The following PRB4 variants were observed in gnomAD, a reference collection of about 807,000 sequenced individuals.
The protein encoded by PRB4 is basic salivary proline-rich protein 4.
Under a neutral mutation model 9.1 loss-of-function variants are expected in PRB4, and 14 were observed. The observed-to-expected ratio is 1.54, with a 90% CI of 1.02 to 2.41. The LOEUF (loss-of-function observed/expected upper bound fraction) is 2.41, where lower values mean the gene tolerates loss of function less well. PRB4 is among the 30% of genes most tolerant of loss of function. The pLI, the probability that PRB4 is intolerant of heterozygous loss-of-function variation, is 0.00. For synonymous variants in PRB4, 102 were observed against 108.5 expected (o/e 0.94, Z 0.37); for missense variants, 381 against 299.3 (o/e 1.27, Z -2.02).
chr12:11,308,940 T>C (rs1292115514), intron 2 of PRB4, 58 bp from the exon 3 acceptor site: 1 of 1,598,340 alleles, frequency 6.3e-7, no homozygotes, highest in Non-Finnish European at 8.6e-7. Flanking sequence ...ATTTTTACAG[T>C]AATGGAGCTA....
At chr12:11,307,676 C>A in intron 3 of PRB4, among the ~76,000 whole-genome samples, 1 of 152,070 alleles carries the variant, frequency 6.6e-6, no homozygotes, top group South Asian at 2.1e-4. Flanking sequence ...ACAGTGGGAG[C>A]TTTTTGAAGG....
chr12:11,310,374 C>T lies in PRB4; in HGVS notation c.25G>A (p.Ala9Thr), dbSNP rs778597261. ...TCAGCTGAGCTCAGGGCCAGCAGGG[C>T]CACTGACAGCAGAATCAGCAGCATC... MLLILLSV[A>T]LLALSSAESS... The change falls in exon 1 of 4, where the codon GCC (alanine) becomes ACC (threonine). Residue 9 changes from alanine to threonine, a missense_variant. Ala to Thr is a moderately conservative substitution (Grantham distance 58). Coordinates refer to ENST00000279575, the MANE Select transcript of PRB4 (RefSeq NM_002723.6). The T allele has an allele frequency of 7.0e-5, 113 of 1,614,098 alleles. No homozygotes were observed. In the Admixed American group the frequency reaches 1.9e-3, roughly 27 times the overall value.
chr12:11,307,951 C>A (rs1283211570), intron 3 of PRB4, among the ~76,000 whole-genome samples: 5 of 152,232 alleles, frequency 3.3e-5, no homozygotes, highest in South Asian at 4.1e-4. Context: ...GAAAACAGAA[C>A]GCCAAGAATG....
intron 1 of PRB4, among the ~76,000 whole-genome samples, 153 bp from the exon 2 acceptor site, chr12:11,309,558 G>C (rs1389024217): frequency 6.6e-6 from 1 of 152,172 alleles, no homozygotes; most frequent in African/African-American, 2.4e-5. Flanking sequence ...GGAAGGGGTG[G>C]AAGGTGTAAG....
rs1343142389 is a variant in PRB4 at position 11,310,321 on chromosome 12, C to T, written c.64+14G>A. The T allele has an allele frequency of 6.2e-7, 1 of 1,614,202 alleles. No individual in the cohort carries two copies. ...CCCAAGCAGTCACCGCATCTTTTCC[C>T]CCTTCTGTTTTACCTTCACTTGAAC... On this transcript the variant is annotated intron_variant, in intron 1 of 3. Transcript: ENST00000279575.
chr12:11,308,496 C>T lies in PRB4; in HGVS notation c.487G>A (p.Glu163Lys), dbSNP rs1170019927. 1 of 1,610,924 alleles carries T rather than the reference C, an allele frequency of 6.2e-7. No individual in the cohort carries two copies. Among genetic ancestry groups the T allele is most frequent in the African/African-American group, 1.3e-5 (1 of 74,130 alleles). Reference protein sequence around the residue: ...QGPPPHPGKPEGPPPQEGNKS... With the variant: ...QGPPPHPGKPKGPPPQEGNKS... ...TTTCCTTCCTGTGGGGGTGGTCCTT[C>T]TGGCTTTCCTGGATGAGGTGGGGGA... is the stretch of plus-strand genomic sequence containing the variant. The change falls in exon 3 of 4, where the codon GAA becomes AAA. Residue 163 changes from glutamate to lysine, a missense_variant. Physicochemically the swap from Glu to Lys is moderately conservative, Grantham distance 56. Coordinates refer to ENST00000279575, the MANE Select transcript of PRB4 (RefSeq NM_002723.6).
Position 11,310,301 on chromosome 12 carries a change from G to A in PRB4, c.64+34C>T, listed in dbSNP as rs1215346740. On this transcript the variant is annotated intron_variant, in intron 1 of 3. Transcript: ENST00000279575. ...ACCACTGTCACCTCCTAAGTCCCAA[G>A]CAGTCACCGCATCTTTTCCCCCTTC... 5 of 1,612,768 alleles carry A rather than the reference G, an allele frequency of 3.1e-6. No homozygotes were observed. In the African/African-American group the frequency reaches 4.0e-5, roughly 13 times the overall value.
At chr12:11,310,018 G>A (rs969963696) in intron 1 of PRB4, among the ~76,000 whole-genome samples, 2 of 152,182 alleles carry the variant, frequency 1.3e-5, no homozygotes, top group African/African-American at 4.8e-5. Flanking sequence ...ACTGGGATCA[G>A]TATAGGATCT....
Position 11,310,327 on chromosome 12 carries a change from T to A in PRB4, c.64+8A>T. 1 of 1,614,200 alleles carries A rather than the reference T, an allele frequency of 6.2e-7. No individual in the cohort carries two copies. The highest frequency in any genetic ancestry group is 2.2e-5 in the East Asian group (1 of 44,886). ...CAGTCACCGCATCTTTTCCCCCTTC[T>A]GTTTTACCTTCACTTGAACTCTCAG... On this transcript the variant is annotated splice_region_variant and intron_variant, in intron 1 of 3. Coordinates refer to ENST00000279575, the MANE Select transcript of PRB4 (RefSeq NM_002723.6).
chr12:11,310,415 G>T lies in PRB4; in HGVS notation c.-17C>A. The T allele has an allele frequency of 6.2e-7, 1 of 1,614,214 alleles. No homozygotes were observed. Among genetic ancestry groups the T allele is most frequent in the Non-Finnish European group, 8.5e-7 (1 of 1,180,030 alleles). On this transcript the variant is annotated 5_prime_UTR_variant, in exon 1 of 4. Coordinates refer to ENST00000279575, the MANE Select transcript of PRB4 (RefSeq NM_002723.6). ...CAGCAGCATCTCGCTGGAGGCTCTG[G>T]AGTCACTCCCAACTCTGTGCTGGGA...
intron 1 of PRB4, 64 bp downstream of exon 1, chr12:11,310,271 T>G (rs369648474): frequency 5.1e-4 from 818 of 1,594,898 alleles, no homozygotes; most frequent in Non-Finnish European, 6.7e-4. Flanking sequence ...CTCTTCCCCA[T>G]AATTACCACT....
At position 11,309,381 on chromosome 12, in the gene PRB4, AAG is replaced by A. The variant is rs1863001596; in HGVS notation, c.87_88del (p.Phe30ProfsTer120). On this transcript the variant is annotated frameshift_variant, in exon 2 of 4. Transcript: ENST00000279575. LOFTEE classifies it high-confidence loss of function. The stretch of plus-strand genomic sequence containing the variant: ...GAATTGGGATTTACCTGATATTAGG[AAG>A]AGAGATTCTTCCTGGCTGACATCTA... 6.2e-7 allele frequency: 1 copy of A among 1,614,138 alleles called. No individual in the cohort carries two copies. Among genetic ancestry groups the A allele is most frequent in the Non-Finnish European group, 8.5e-7 (1 of 1,179,990 alleles).
At chr12:11,308,986 A>G (rs999537878) in intron 2 of PRB4, 104 bp from the exon 3 acceptor site, 248 of 1,504,642 alleles carry the variant, frequency 1.6e-4, no homozygotes, top group Non-Finnish European at 2.1e-4. Flanking sequence ...CCCAGATACT[A>G]ATTTCTTTGC....
rs781648088 is a variant in PRB4 at position 11,310,371 on chromosome 12, G to A, written c.28C>T (p.Leu10=). 32 of 1,614,108 alleles carry A rather than the reference G, an allele frequency of 2.0e-5. No homozygotes were observed. The African/African-American group carries it at 3.5e-4, about 18-fold the overall frequency. ...CTCTCAGCTGAGCTCAGGGCCAGCAGGGCCACTGACAGCAGAATCAGCAGC... is the reference window on the plus strand; with the variant it reads ...CTCTCAGCTGAGCTCAGGGCCAGCAAGGCCACTGACAGCAGAATCAGCAGC... MLLILLSVA[L]LALSSAESSS... The change falls in exon 1 of 4, where the codon CTG becomes TTG. Residue 10 remains leucine, a synonymous_variant. Transcript: ENST00000279575.
intron 3 of PRB4, among the ~76,000 whole-genome samples, chr12:11,307,724 A>C (rs1862945597): frequency 3.3e-5 from 5 of 152,168 alleles, no homozygotes; most frequent in Admixed American, 2.6e-4. Context: ...CTTTAAAATT[A>C]GCTTCATATT....
chr12:11,309,332 A>AG, intron 2 of PRB4, 38 bp downstream of exon 2: 2 of 1,613,566 alleles, frequency 1.2e-6, no homozygotes, highest in East Asian at 4.5e-5. Context: ...AAGCAGAAAA[A>AG]GGGAGTCAAA....
rs779318469 is a variant in PRB4 at position 11,308,490 on chromosome 12, G to A, written c.493C>T (p.Pro165Ser). Residue 165 changes from proline (P) to serine (S), a missense_variant, in exon 3 of 4, where the codon CCA becomes TCA. By Grantham distance (74) the Pro-to-Ser change is moderately conservative (BLOSUM62 -1). This residue lies in a region of PRB4 where 204 missense variants were observed against 134.4 expected (regional missense o/e 1.52). Coordinates refer to ENST00000279575, the MANE Select transcript of PRB4 (RefSeq NM_002723.6). ...GACTTGTTTCCTTCCTGTGGGGGTG[G>A]TCCTTCTGGCTTTCCTGGATGAGGT... ...PPPHPGKPEG[P>S]PPQEGNKSRS... 6.2e-7 allele frequency: 1 copy of A among 1,613,786 alleles called. No homozygotes were observed. Among genetic ancestry groups the A allele is most frequent in the South Asian group, 1.1e-5 (1 of 91,030 alleles).
rs1258840176 is a variant in PRB4 at position 11,308,759 on chromosome 12, G to T, written c.224C>A (p.Pro75Gln). 2 of 1,596,376 alleles carry T rather than the reference G, an allele frequency of 1.3e-6. No individual in the cohort carries two copies. Among genetic ancestry groups the T allele is most frequent in the South Asian group, 1.1e-5 (1 of 90,442 alleles). ...TGGGGGTCGTCCTTCTGGCTTTCCT[G>T]GAGGAGGTGGGGGACCTTGGGACTG... Reference protein sequence around the residue: ...GNQSQGPPPPPGKPEGRPPQG... With the variant: ...GNQSQGPPPPQGKPEGRPPQG... The change falls in exon 3 of 4, where the codon CCA becomes CAA. Residue 75 changes from proline (P) to glutamine (Q), a missense_variant. Physicochemically the swap from Pro to Gln is moderately conservative, Grantham distance 76. Around this residue, in one of 3 missense-constraint regions of PRB4, gnomAD observed 151 missense variants for 105.8 expected, o/e 1.43. Coordinates refer to ENST00000279575, the MANE Select transcript of PRB4 (RefSeq NM_002723.6).
At position 11,308,251 on chromosome 12, in the gene PRB4, C is replaced by T; in HGVS notation, c.732G>A (p.Gln244=). Residue 244 remains glutamine, a synonymous_variant, in exon 3 of 4, where the codon CAG becomes CAA. Coordinates refer to ENST00000279575, the MANE Select transcript of PRB4 (RefSeq NM_002723.6). ...GRPPRPAQGQ[Q]PPQ ...ATTGAATCCTAGATTACTGGGGAGG[C>T]TGTTGTCCCTGGGCAGGTCTGGGTG... The T allele has an allele frequency of 6.2e-7, 1 of 1,610,540 alleles. No individual in the cohort carries two copies. The highest frequency in any genetic ancestry group is 1.7e-4 in the Middle Eastern group (1 of 6,026).
Sources: allele counts gnomAD v4.1 joint callset (sites outside exome capture counted in the v4.1 genomes callset), GRCh38; gene constraint gnomAD v4.1.1; regional missense constraint gnomAD v4.1.1; transcripts MANE v1.5; gene names NCBI Gene and HGNC (gene_info 2026-07-23, HGNC 2026-07-21).